Variants in KAT6B observed in about 807,000 individuals in gnomAD.
The protein encoded by KAT6B is histone acetyltransferase KAT6B.
Under a neutral mutation model 187.5 loss-of-function variants are expected in KAT6B, and 10 were observed. The ratio of observed to expected loss-of-function variants is 0.05; its 90% CI spans 0.03 to 0.09. The LOEUF is 0.09. KAT6B is among the 10% of genes least tolerant of loss of function. The pLI, the probability that KAT6B is intolerant of heterozygous loss-of-function variation, is 1.00. For synonymous variants in KAT6B, 861 were observed against 926.8 expected (o/e 0.93, Z 1.29); for missense variants, 1,952 against 2,558.9 (o/e 0.76, Z 5.12).
At chr10:74,963,543 G>A (rs968777005) in intron 4 of KAT6B, among the ~76,000 whole-genome samples, 8 of 152,178 alleles carry the variant, frequency 5.3e-5, no homozygotes, top group Admixed American at 1.3e-4. Flanking sequence ...AGCAAGAGCC[G>A]TGGAGTAGAA....
rs776954391 is a variant in KAT6B at position 75,029,333 on chromosome 10, C to T, written c.4509C>T (p.Asp1503=). ...ACCCTGAAGCTGTACCCGAATCTGA[C>T]GAGGAGCCACCCCCAGGAGAACAGG... ...AGDPEAVPES[D]EEPPPGEQAQ... Residue 1503 remains aspartate, a synonymous_variant, in exon 18 of 18, where the codon GAC becomes GAT. Transcript: ENST00000287239. This position sits in a 1 kb window ranked among gnomAD's most constrained non-coding sequence, Gnocchi z 6.2. 17 of 1,614,014 alleles carry T rather than the reference C, an allele frequency of 1.1e-5. No individual in the cohort carries two copies. The highest frequency in any genetic ancestry group is 3.3e-5 in the South Asian group (3 of 91,066).
At chr10:74,979,489 AG>A in intron 10 of KAT6B, 150 bp downstream of exon 10, 1 of 693,104 alleles carries the variant, frequency 1.4e-6, no homozygotes, top group Non-Finnish European at 2.6e-6. Context: ...TGCTTTTGCC[AG>A]CACCTTTTTA....
intron 12 of KAT6B, among the ~76,000 whole-genome samples, chr10:74,988,219 G>T (rs1842932480): frequency 6.6e-6 from 1 of 152,166 alleles, no homozygotes; most frequent in African/African-American, 2.4e-5. Flanking sequence ...GCCTTTTCCA[G>T]ATCTCTGTGT....
chr10:74,886,786 A>G lies in KAT6B; in HGVS notation c.621+43308A>G, dbSNP rs1181830903. On this transcript the variant is annotated intron_variant, in intron 3 of 17. Transcript: ENST00000287239. The stretch of plus-strand genomic sequence containing the variant: ...GTTCCCACCAACCTCTGACCCATCC[A>G]TAACCCAGTGTATTACACTGACCCA... Among the ~76,000 whole-genome samples the G allele has an allele frequency of 2.0e-5, 3 of 152,304 alleles. No homozygotes were observed. The East Asian group carries it at 5.8e-4, about 29-fold the overall frequency.
intron 3 of KAT6B, among the ~76,000 whole-genome samples, chr10:74,860,417 C>A (rs931098929): frequency 1.3e-5 from 2 of 151,934 alleles, no homozygotes; most frequent in African/African-American, 4.8e-5. Context: ...TTAATATATA[C>A]AATATAATTT....
At chr10:74,972,145 T>C (rs2069433809) in intron 6 of KAT6B, among the ~76,000 whole-genome samples, 1 of 152,164 alleles carries the variant, frequency 6.6e-6, no homozygotes, top group Non-Finnish European at 1.5e-5. Flanking sequence ...TTTTTTCTTC[T>C]AGAAATTCCA....
At position 74,878,612 on chromosome 10, in the gene KAT6B, T is replaced by TC; in HGVS notation, c.621+35136dup. Among the ~76,000 whole-genome samples the TC allele has an allele frequency of 1.8e-5, 2 of 110,746 alleles. 1 individual carries two copies. The highest frequency in any genetic ancestry group is 3.3e-5 in the Non-Finnish European group (2 of 59,976). The allele number at this position is 110,746 out of a possible 152,430, so 72.7% of individuals were successfully genotyped here. A position where few individuals can be genotyped will look rare whatever the true frequency, so the allele number is the denominator to read the frequency against. On this transcript the variant is annotated intron_variant, in intron 3 of 17. Transcript: ENST00000287239. ...TCCAGTCTGGGTGACAGAGCAAGAC[T>TC]CCATCTCAAAAAAAAAAAAAAAAAA...
chr10:74,988,740 TTC>T (rs1411039318), intron 12 of KAT6B, among the ~76,000 whole-genome samples: 4 of 152,234 alleles, frequency 2.6e-5, no homozygotes, highest in Admixed American at 2.6e-4. Context: ...GCTGTCTATA[TTC>T]TGTTTTATTT....
At chr10:74,830,289 C>T (rs1401542242) in intron 1 of KAT6B, among the ~76,000 whole-genome samples, 1 of 151,920 alleles carries the variant, frequency 6.6e-6, no homozygotes, top group Non-Finnish European at 1.5e-5. Flanking sequence ...CCATTGTTGC[C>T]GAATATTTGA....
Position 75,031,235 on chromosome 10 carries a change from T to A in KAT6B, c.*189T>A. 1.5e-6 allele frequency: 1 copy of A among 673,178 alleles called. No individual in the cohort carries two copies. Among genetic ancestry groups the A allele is most frequent in the Non-Finnish European group, 2.5e-6 (1 of 405,010 alleles). 41.7% of individuals were successfully genotyped at this position (673,178 alleles called of 1,614,324 possible). ...CTTATACAAGTTGTTTTTCTTTTTTTCCTTTTTCTTTTTTTTGGTACCTTC... is the reference window on the plus strand; with the variant it reads ...CTTATACAAGTTGTTTTTCTTTTTTACCTTTTTCTTTTTTTTGGTACCTTC... On this transcript the variant is annotated 3_prime_UTR_variant, in exon 18 of 18. Coordinates refer to ENST00000287239, the MANE Select transcript of KAT6B (RefSeq NM_012330.4).
At chr10:74,858,832 G>A (rs551814895) in intron 3 of KAT6B, among the ~76,000 whole-genome samples, 1 of 152,074 alleles carries the variant, frequency 6.6e-6, no homozygotes, top group South Asian at 2.1e-4. Context: ...GCTCACGCCT[G>A]TAGTCCCAGC....
chr10:74,886,046 T>C lies in KAT6B; in HGVS notation c.621+42568T>C, dbSNP rs76682508. ...GCGCCCGGCCAGGGGAAGCTCTTTCTAAGGGAGTAGCTTAGAGCACAGAAT... is the reference window on the plus strand; with the variant it reads ...GCGCCCGGCCAGGGGAAGCTCTTTCCAAGGGAGTAGCTTAGAGCACAGAAT... On this transcript the variant is annotated intron_variant, in intron 3 of 17. Transcript: ENST00000287239. Among the ~76,000 whole-genome samples, 923 of 152,268 alleles carry C rather than the reference T, an allele frequency of 6.1e-3. 15 individuals are homozygous for C. The highest frequency in any genetic ancestry group is 0.02 in the African/African-American group (812 of 41,548).
intron 3 of KAT6B, among the ~76,000 whole-genome samples, chr10:74,899,248 A>AATTATTATTATTATT (rs67324777): frequency 9.8e-4 from 139 of 142,326 alleles, no homozygotes; most frequent in East Asian, 1.8e-3. Context: ...ATTCTAAATG[A>AATTATTATTATTATT]ATTATTATTA....
chr10:74,901,886 A>G (rs569852576), intron 3 of KAT6B, among the ~76,000 whole-genome samples: 1 of 152,340 alleles, frequency 6.6e-6, no homozygotes, highest in African/African-American at 2.4e-5. Context: ...CATTTTGATT[A>G]GGCTCATTTT....
chr10:74,981,713 A>G, intron 10 of KAT6B, 74 bp from the exon 11 acceptor site: 1 of 1,123,922 alleles, frequency 8.9e-7, no homozygotes. Context: ...TGTAGAGAAA[A>G]TTGAACAATA....
intron 3 of KAT6B, among the ~76,000 whole-genome samples, chr10:74,862,047 G>A (rs1843224255): frequency 6.6e-6 from 1 of 152,184 alleles, no homozygotes; most frequent in African/African-American, 2.4e-5. Context: ...TAAGGTTATA[G>A]TGCTAATTCC....
chr10:74,847,460 C>T (rs971287993), intron 3 of KAT6B, among the ~76,000 whole-genome samples: 1 of 151,912 alleles, frequency 6.6e-6, no homozygotes, highest in Admixed American at 6.6e-5. Flanking sequence ...GTCAGCAGTT[C>T]AAGACCAGCC....
intron 3 of KAT6B, among the ~76,000 whole-genome samples, chr10:74,912,412 G>GATAGATAGATAGATAA (rs1001699401): frequency 6.6e-6 from 1 of 151,286 alleles, no homozygotes; most frequent in African/African-American, 2.5e-5. Flanking sequence ...TAGATAGATA[G>GATAGATAGATAGATAA]AAAGATAGAT....
At position 75,030,486 on chromosome 10, in the gene KAT6B, C is replaced by T. The variant is rs372648542; in HGVS notation, c.5662C>T (p.Pro1888Ser). Residue 1888 changes from proline to serine, a missense_variant, in exon 18 of 18, where the codon CCA becomes TCA. Pro to Ser is a moderately conservative substitution (Grantham distance 74). This residue lies in a region of KAT6B where 358 missense variants were observed against 436.3 expected (regional missense o/e 0.82). Coordinates refer to ENST00000287239, the MANE Select transcript of KAT6B (RefSeq NM_012330.4). This position sits in a 1 kb window ranked among gnomAD's most constrained non-coding sequence, Gnocchi z 4.8. ...CCCACCCCCCAACCTGACTCCTCCTCCAATGAATCTGCCGCCGCCTCTTTT... is the reference window on the plus strand; with the variant it reads ...CCCACCCCCCAACCTGACTCCTCCTTCAATGAATCTGCCGCCGCCTCTTTT... ...MTPPPNLTPP[P>S]MNLPPPLLQR... is the part of the protein sequence containing the mutation. The T allele has an allele frequency of 2.5e-6, 4 of 1,612,180 alleles. No homozygotes were observed. Among genetic ancestry groups the T allele is most frequent in the African/African-American group, 1.3e-5 (1 of 74,884 alleles).
Sources: allele counts gnomAD v4.1 joint callset (sites outside exome capture counted in the v4.1 genomes callset), GRCh38; gene constraint gnomAD v4.1.1; regional missense constraint gnomAD v4.1.1; non-coding constraint Gnocchi (gnomAD v3.1); transcripts MANE v1.5; gene names NCBI Gene and HGNC (gene_info 2026-07-23, HGNC 2026-07-21).